The following MACROD2 variants were observed in gnomAD, a reference collection of about 807,000 sequenced individuals.
MACROD2 encodes ADP-ribose glycohydrolase MACROD2.
In MACROD2, 36 loss-of-function variants were observed where a neutral mutation model predicts 70.4. That is an observed-to-expected ratio of 0.51 (90% CI 0.39 to 0.68). The LOEUF (loss-of-function observed/expected upper bound fraction) is 0.68, where lower values mean the gene tolerates loss of function less well. Ranked by LOEUF, MACROD2 falls within the 30% of genes least tolerant of loss-of-function variation. The pLI, the probability that MACROD2 is intolerant of heterozygous loss-of-function variation, is 0.00. For synonymous variants in MACROD2, 172 were observed against 178.8 expected (o/e 0.96, Z 0.30); for missense variants, 496 against 538.4 (o/e 0.92, Z 0.78).
At chr20:14,210,100 CAT>C (rs1442014830) in intron 3 of MACROD2, among the ~76,000 whole-genome samples, 1 of 152,136 alleles carries the variant, frequency 6.6e-6, no homozygotes, top group African/African-American at 2.4e-5. Context: ...AAATTATATA[CAT>C]ATGTCTTTTG....
intron 5 of MACROD2, among the ~76,000 whole-genome samples, chr20:14,830,999 A>T (rs1277036799): frequency 1.3e-5 from 2 of 151,988 alleles, no homozygotes; most frequent in African/African-American, 4.8e-5. Context: ...TGAAATCTCA[A>T]TGTTGGTTAC....
At chr20:14,662,326 C>A (rs1477498942) in intron 4 of MACROD2, among the ~76,000 whole-genome samples, 3 of 152,148 alleles carry the variant, frequency 2.0e-5, no homozygotes, top group African/African-American at 7.2e-5. Flanking sequence ...TCACCATATA[C>A]AAAAATTAAC....
chr20:14,354,364 TA>T (rs2083152672), intron 3 of MACROD2, among the ~76,000 whole-genome samples: 1 of 152,188 alleles, frequency 6.6e-6, no homozygotes, highest in Admixed American at 6.5e-5. Context: ...AAAATGTTTT[TA>T]TAACTTAAAT....
chr20:15,591,036 GA>G (rs2048672670), intron 8 of MACROD2, among the ~76,000 whole-genome samples: 1 of 152,106 alleles, frequency 6.6e-6, no homozygotes, highest in African/African-American at 2.4e-5. Context: ...AGAAAGAAAA[GA>G]TTTGTAACTA....
chr20:14,661,614 A>C (rs1469237499), intron 4 of MACROD2, among the ~76,000 whole-genome samples: 1 of 152,126 alleles, frequency 6.6e-6, no homozygotes, highest in Non-Finnish European at 1.5e-5. Context: ...ATTTATCATA[A>C]ATCCCTTGCT....
intron 10 of MACROD2, chr20:15,893,999 TCTCGCTTTCCCATG>T: frequency 2.2e-6 from 1 of 447,986 alleles, no homozygotes. Context: ...GGCTCTAGGG[TCTCGCTTTCCCATG>T]CTCAGTCACT....
At chr20:15,139,775 T>G (rs1305005928) in intron 5 of MACROD2, among the ~76,000 whole-genome samples, 2 of 152,236 alleles carry the variant, frequency 1.3e-5, no homozygotes, top group South Asian at 2.1e-4. Flanking sequence ...TTGGCTCATC[T>G]GAGACTGTTT....
At chr20:15,997,431 A>G (rs2066647873) in intron 15 of MACROD2, among the ~76,000 whole-genome samples, 1 of 152,084 alleles carries the variant, frequency 6.6e-6, no homozygotes, top group Admixed American at 6.5e-5. Context: ...TTGGTTATAT[A>G]TATTCCTAAG....
At chr20:14,596,296 T>A (rs1982136026) in intron 4 of MACROD2, among the ~76,000 whole-genome samples, 1 of 151,466 alleles carries the variant, frequency 6.6e-6, no homozygotes, top group South Asian at 2.1e-4. Flanking sequence ...TTCACCGTGT[T>A]AGCCAGGATG....
intron 8 of MACROD2, among the ~76,000 whole-genome samples, chr20:15,510,423 A>G (rs1377746603): frequency 6.6e-6 from 1 of 152,136 alleles, no homozygotes; most frequent in African/African-American, 2.4e-5. Context: ...TGAAGGGAAA[A>G]TTAACAGTTT....
At chr20:14,632,413 A>C (rs1215806892) in intron 4 of MACROD2, among the ~76,000 whole-genome samples, 1 of 150,894 alleles carries the variant, frequency 6.6e-6, no homozygotes, top group East Asian at 1.9e-4. Context: ...AAAATATGGT[A>C]GATATGGGAA....
chr20:15,484,117 A>G (rs1362259912), intron 7 of MACROD2, among the ~76,000 whole-genome samples: 1 of 144,688 alleles, frequency 6.9e-6, no homozygotes, highest in African/African-American at 2.6e-5. Flanking sequence ...TAGGACCTCC[A>G]TTGTGATGCT....
chr20:15,077,182 C>A (rs564081133), intron 5 of MACROD2, among the ~76,000 whole-genome samples: 41 of 152,114 alleles, frequency 2.7e-4, no homozygotes, highest in Non-Finnish European at 6.0e-4. Context: ...AAATTATATT[C>A]TTTAACTCCT....
chr20:14,404,966 A>AG (rs1335694484), intron 3 of MACROD2, among the ~76,000 whole-genome samples: 1 of 152,174 alleles, frequency 6.6e-6, no homozygotes, highest in Non-Finnish European at 1.5e-5. Flanking sequence ...AAAAGAAAAA[A>AG]AATATATATT....
intron 7 of MACROD2, among the ~76,000 whole-genome samples, chr20:15,433,617 G>C (rs2046391925): frequency 6.6e-6 from 1 of 151,728 alleles, no homozygotes; most frequent in East Asian, 1.9e-4. Flanking sequence ...GGTAGAATCA[G>C]TATTGTGAAA....
chr20:14,007,164 C>T (rs1388720663), intron 2 of MACROD2, among the ~76,000 whole-genome samples: 1 of 151,740 alleles, frequency 6.6e-6, no homozygotes, highest in Admixed American at 6.6e-5. Flanking sequence ...TTTATCATTC[C>T]TTATTTATTT....
At chr20:15,866,050 G>A (rs562015604) in intron 9 of MACROD2, among the ~76,000 whole-genome samples, 81 of 152,250 alleles carry the variant, frequency 5.3e-4, no homozygotes, top group African/African-American at 1.9e-3. Context: ...CACACAGGGA[G>A]GGAAGTTTAA....
chr20:14,046,026 G>C (rs1262528948), intron 2 of MACROD2, among the ~76,000 whole-genome samples: 2 of 152,134 alleles, frequency 1.3e-5, no homozygotes, highest in African/African-American at 4.8e-5. Context: ...GTATGAAATT[G>C]AAATTTCAGA....
At chr20:15,213,527 G>A (rs996378596) in intron 5 of MACROD2, among the ~76,000 whole-genome samples, 8 of 152,006 alleles carry the variant, frequency 5.3e-5, no homozygotes, top group Non-Finnish European at 8.8e-5. Flanking sequence ...GTCAAGAACT[G>A]TGACAGAGAT....
Sources: gnomAD v4.1 joint callset for allele counts (sites outside exome capture counted in the v4.1 genomes callset) on GRCh38, gnomAD v4.1.1 for gene constraint, MANE v1.5 for transcripts, NCBI Gene and HGNC (gene_info 2026-07-23, HGNC 2026-07-21) for gene names.